RAB33A: variants seen among roughly 807,000 people sequenced by gnomAD.
RAB33A encodes ras-related protein Rab-33A.
In RAB33A, 6 loss-of-function variants were observed where a neutral mutation model predicts 12.0. The observed-to-expected ratio is 0.50, with a 90% CI of 0.27 to 0.99. RAB33A has a LOEUF of 0.99. RAB33A is among the 50% of genes least tolerant of loss of function. The pLI is 0.11. For synonymous variants in RAB33A, 70 were observed against 82.4 expected, an observed-to-expected ratio of 0.85 and a Z score of 0.81; for missense variants, 109 against 192.0, an observed-to-expected ratio of 0.57 and a Z score of 2.55.
chrX:130,166,888 TGCA>T, the RAB33A span, among the ~76,000 whole-genome samples: 1 of 112,363 alleles, frequency 8.9e-6, no homozygotes, highest in African/African-American at 3.2e-5. Flanking sequence ...GGGTATTAAA[TGCA>T]GTTTCGACTT....
the RAB33A span, among the ~76,000 whole-genome samples, chrX:130,127,690 C>CTTT: frequency 7.6e-5 from 4 of 52,954 alleles, no homozygotes; most frequent in African/African-American, 6.2e-4. Flanking sequence ...GATGAGTTTT[C>CTTT]CTTTTTTTTT....
At chrX:130,131,228 G>A in the RAB33A span, among the ~76,000 whole-genome samples, 8 of 111,981 alleles carry the variant, frequency 7.1e-5, no homozygotes, top group African/African-American at 2.3e-4. Context: ...GTTCCTCCCT[G>A]CGCAGGACCC....
At chrX:130,136,807 G>A in the RAB33A span, 1,123 of 1,083,417 alleles carry the variant, frequency 1.0e-3, 6 homozygotes, top group African/African-American at 0.018. Flanking sequence ...GCTGACCAGC[G>A]GTCTCCTCCA....
At chrX:130,156,550 T>A in the RAB33A span, 1 of 1,211,636 alleles carries the variant, frequency 8.3e-7, no homozygotes, top group Non-Finnish European at 1.1e-6. Flanking sequence ...GAGCTAGCCA[T>A]TTGTCTTGTC....
the RAB33A span, among the ~76,000 whole-genome samples, chrX:130,152,239 T>C: frequency 1.8e-5 from 2 of 111,741 alleles, no homozygotes; most frequent in African/African-American, 3.3e-5. Flanking sequence ...TATCCCAAAA[T>C]AGCCTAAGCC....
At chrX:130,139,732 G>T in the RAB33A span, 1 of 1,101,750 alleles carries the variant, frequency 9.1e-7, no homozygotes, top group South Asian at 1.8e-5. Flanking sequence ...GGCACTTGGG[G>T]ACTGCAAGAT....
At chrX:130,167,600 G>A (rs756247367), upstream of RAB33A, among the ~76,000 whole-genome samples, 3 of 112,117 alleles carry the variant, frequency 2.7e-5, no homozygotes, top group African/African-American at 6.5e-5. Flanking sequence ...AAAATTAGCC[G>A]GGCGCCATGG....
chrX:130,132,223 A>T, the RAB33A span, among the ~76,000 whole-genome samples: 3 of 112,255 alleles, frequency 2.7e-5, no homozygotes, highest in African/African-American at 9.7e-5. Context: ...ATCACGAGAG[A>T]TGCCAACTGA....
In RAB33A at chrX:130,172,054, C is replaced by A. The variant is rs2031614692; in HGVS notation, c.-9C>A. ...AGGGGGGTTGGGGCCCCGGTTCGGT[C>A]CGGGGGAGATGGCGCAGCCCATCCT... On this transcript the variant is annotated 5_prime_UTR_variant, in exon 1 of 2. Coordinates refer to ENST00000257017, the MANE Select transcript of RAB33A (RefSeq NM_004794.3). The A allele has an allele frequency of 1.2e-5, 15 of 1,201,678 alleles. No individual in the cohort carries two copies. The highest frequency in any genetic ancestry group is 1.7e-5 in the Non-Finnish European group (15 of 891,321).
intron 1 of RAB33A, among the ~76,000 whole-genome samples, chrX:130,174,674 G>A (rs942583601): frequency 8.9e-6 from 1 of 111,787 alleles, no homozygotes; most frequent in African/African-American, 3.3e-5. Flanking sequence ...AGGCTTTTGG[G>A]CTGTAACATA....
chrX:130,131,908 G>A, the RAB33A span: 17 of 1,004,595 alleles, frequency 1.7e-5, no homozygotes, highest in Non-Finnish European at 2.4e-5. Flanking sequence ...AGTTTCACTC[G>A]TTGCCCAGGC....
chrX:130,136,283 T>A, the RAB33A span: 6 of 1,014,103 alleles, frequency 5.9e-6, no homozygotes, highest in South Asian at 8.0e-5. Context: ...ATTGGGACTT[T>A]AAAAAATCAT....
intron 1 of RAB33A, among the ~76,000 whole-genome samples, chrX:130,180,428 T>C (rs746907243): frequency 8.9e-6 from 1 of 112,140 alleles, no homozygotes; most frequent in South Asian, 3.7e-4. Context: ...AGTGAGCCAC[T>C]ATACTCAGAC....
intron 1 of RAB33A, among the ~76,000 whole-genome samples, chrX:130,180,819 C>A (rs943310897): frequency 1.9e-5 from 2 of 104,663 alleles, no homozygotes; most frequent in African/African-American, 7.0e-5. Flanking sequence ...ACCAGCCTGG[C>A]CAACACGGCA....
chrX:130,119,658 G>C, the RAB33A span, among the ~76,000 whole-genome samples: 1 of 112,193 alleles, frequency 8.9e-6, no homozygotes, highest in Non-Finnish European at 1.9e-5. Context: ...AAAAAGGCCC[G>C]GGCTCTGAGG....
chrX:130,125,518 C>T, the RAB33A span, among the ~76,000 whole-genome samples: 2 of 111,111 alleles, frequency 1.8e-5, no homozygotes, highest in Non-Finnish European at 3.8e-5. Context: ...AAGCAAGGCA[C>T]TGGGAGCGAG....
In RAB33A at chrX:130,184,539, T is replaced by G. The variant is rs1381857089; in HGVS notation, c.513T>G (p.Asp171Glu). 1 of 1,210,240 alleles carries G rather than the reference T, an allele frequency of 8.3e-7. No homozygotes were observed. Among genetic ancestry groups the G allele is most frequent in the Non-Finnish European group, 1.1e-6 (1 of 895,357 alleles). Residue 171 changes from aspartate (D) to glutamate (E), a missense_variant, in exon 2 of 2, where the codon GAT becomes GAG. Transcript: ENST00000257017. ...VPSNLALKFADAHNMLLFETS... is the reference protein window; with the variant it reads ...VPSNLALKFAEAHNMLLFETS... ...CCAACTTAGCCCTGAAATTTGCTGA[T>G]GCCCACAACATGCTCTTGTTTGAGA...
the RAB33A span, among the ~76,000 whole-genome samples, chrX:130,159,553 A>G: frequency 8.9e-6 from 1 of 111,765 alleles, no homozygotes; most frequent in East Asian, 2.8e-4. Context: ...TAGTTCAATG[A>G]ATTTAGTTTG....
chrX:130,163,215 C>A, the RAB33A span, among the ~76,000 whole-genome samples: 2 of 106,002 alleles, frequency 1.9e-5, no homozygotes, highest in Non-Finnish European at 3.8e-5. Context: ...GAGGCTGACG[C>A]AGGAGAATTG....
Sources: gnomAD v4.1 joint callset for allele counts (sites outside exome capture counted in the v4.1 genomes callset) on GRCh38, gnomAD v4.1.1 for gene constraint, MANE v1.5 for transcripts, NCBI Gene and HGNC (gene_info 2026-07-23, HGNC 2026-07-21) for gene names.